The following PIAS1 variants were observed in gnomAD, a reference collection of about 807,000 sequenced individuals.
PIAS1 encodes the protein protein inhibitor of activated STAT 1, also known as E3 SUMO-protein ligase PIAS1.
Under a neutral mutation model 71.3 loss-of-function variants are expected in PIAS1, and 6 were observed. That is an observed-to-expected ratio of 0.08 (90% CI 0.05 to 0.17). The LOEUF is 0.17. Ranked by LOEUF, PIAS1 falls within the 10% of genes least tolerant of loss-of-function variation. PIAS1 has a pLI of 1.00. For synonymous variants in PIAS1, 303 were observed against 292.9 expected (o/e 1.03, Z -0.35); for missense variants, 555 against 793.6 (o/e 0.70, Z 3.61).
At chr15:68,135,110 T>C (rs1386142972) in intron 2 of PIAS1, among the ~76,000 whole-genome samples, 2 of 32,764 alleles carry the variant, frequency 6.1e-5, no homozygotes, top group Non-Finnish European at 1.1e-4. Context: ...CCCCCCCACC[T>C]CCCTCCCGGA....
At chr15:68,082,515 TGGA>T (rs2092238598) in intron 1 of PIAS1, among the ~76,000 whole-genome samples, 1 of 152,046 alleles carries the variant, frequency 6.6e-6, no homozygotes, top group Non-Finnish European at 1.5e-5. Context: ...CCTAAGCAAA[TGGA>T]AAAATGGTGT....
At chr15:68,068,709 T>A (rs2092058058) in intron 1 of PIAS1, among the ~76,000 whole-genome samples, 1 of 151,838 alleles carries the variant, frequency 6.6e-6, no homozygotes, top group Admixed American at 6.6e-5. Flanking sequence ...CACCTCAGCC[T>A]CCCAAAGTGC....
intron 1 of PIAS1, chr15:68,055,702 G>A (rs1240972750): frequency 4.3e-6 from 2 of 466,478 alleles, no homozygotes; most frequent in Non-Finnish European, 7.5e-6. Flanking sequence ...GAGGAGATGG[G>A]GATATACAAT....
intron 2 of PIAS1, among the ~76,000 whole-genome samples, chr15:68,139,413 T>C (rs1262567133): frequency 1.3e-5 from 2 of 152,220 alleles, no homozygotes; most frequent in Admixed American, 6.5e-5. Context: ...TGCAAACTTA[T>C]TTGATCATAA....
chr15:68,166,557 C>A (rs772716495), intron 8 of PIAS1, among the ~76,000 whole-genome samples: 1 of 151,956 alleles, frequency 6.6e-6, no homozygotes, highest in Admixed American at 6.6e-5. Context: ...TCAGAAAATA[C>A]GTTTAGAAAA....
At chr15:68,073,364 G>A (rs946577703) in intron 1 of PIAS1, among the ~76,000 whole-genome samples, 6 of 152,140 alleles carry the variant, frequency 3.9e-5, no homozygotes, top group African/African-American at 1.4e-4. Flanking sequence ...AATATGGTTT[G>A]TAATAATTGA....
intron 1 of PIAS1, among the ~76,000 whole-genome samples, chr15:68,070,499 AT>A (rs2092083237): frequency 6.6e-6 from 1 of 152,152 alleles, no homozygotes; most frequent in African/African-American, 2.4e-5. Context: ...TGGAGCCTGA[AT>A]GGCCAAGGCA....
At chr15:68,065,029 C>T (rs186190341) in intron 1 of PIAS1, among the ~76,000 whole-genome samples, 3 of 152,180 alleles carry the variant, frequency 2.0e-5, no homozygotes, top group East Asian at 3.9e-4. Flanking sequence ...CGGCGTGAGA[C>T]ACCATGCCCA....
chr15:68,112,372 A>G (rs1329314498), intron 2 of PIAS1, among the ~76,000 whole-genome samples: 7 of 152,004 alleles, frequency 4.6e-5, no homozygotes, highest in Admixed American at 2.0e-4. Flanking sequence ...CTTCACCACA[A>G]ATTCCTTTCC....
At chr15:68,149,443 G>C (rs146256235) in intron 6 of PIAS1, among the ~76,000 whole-genome samples, 10 of 151,134 alleles carry the variant, frequency 6.6e-5, no homozygotes, top group Non-Finnish European at 1.3e-4. Flanking sequence ...ATTTGGATGA[G>C]ATTTCTTTAA....
At position 68,189,891 on chromosome 15, in the gene PIAS1, G is replaced by A. The variant is rs1042024128; in HGVS notation, c.*2056G>A. Reference sequence around the variant, plus strand: ...AATTTCTAATACTACCATAATTTGTGTCTAAATTTCTGTTGGGGTAGAAAT... The same window carrying A: ...AATTTCTAATACTACCATAATTTGTATCTAAATTTCTGTTGGGGTAGAAAT... On this transcript the variant is annotated 3_prime_UTR_variant, in exon 14 of 14. Transcript: ENST00000249636. 3 of 152,068 alleles carry A rather than the reference G, an allele frequency of 2.0e-5. No homozygotes were observed. The highest frequency in any genetic ancestry group is 4.8e-5 in the African/African-American group (2 of 41,354). 9.4% of individuals were successfully genotyped at this position (152,068 alleles called of 1,614,324 possible). A position where few individuals can be genotyped will look rare whatever the true frequency, so the allele number is the denominator to read the frequency against.
chr15:68,151,859 C>T (rs1447896636), intron 6 of PIAS1, among the ~76,000 whole-genome samples: 4 of 145,484 alleles, frequency 2.7e-5, no homozygotes, highest in African/African-American at 1.0e-4. Flanking sequence ...GACTCTGTCT[C>T]AAATTAAATA....
chr15:68,120,434 A>G (rs2092603768), intron 2 of PIAS1, among the ~76,000 whole-genome samples: 1 of 151,714 alleles, frequency 6.6e-6, no homozygotes, highest in Non-Finnish European at 1.5e-5. Context: ...CTTCTCTAGG[A>G]TGATTTTTTA....
intron 2 of PIAS1, among the ~76,000 whole-genome samples, chr15:68,115,216 CAT>C (rs1294978472): frequency 6.6e-6 from 1 of 152,030 alleles, no homozygotes; most frequent in Non-Finnish European, 1.5e-5. Context: ...TTTATGTGGA[CAT>C]ATGTTTTCAG....
intron 11 of PIAS1, 96 bp from the exon 12 acceptor site, chr15:68,181,116 A>G (rs2093051187): frequency 2.0e-6 from 2 of 993,630 alleles, no homozygotes. Context: ...TTCCAGCACT[A>G]AACCGAGGGT....
chr15:68,182,723 T>C (rs7171467), intron 12 of PIAS1, among the ~76,000 whole-genome samples: 6,060 of 152,256 alleles, frequency 0.04, 140 homozygotes, highest in African/African-American at 0.056. Context: ...GCCAGCCAGT[T>C]ACAGCTGCTC....
chr15:68,139,008 T>G (rs969907396), intron 2 of PIAS1, among the ~76,000 whole-genome samples: 2 of 152,130 alleles, frequency 1.3e-5, no homozygotes, highest in African/African-American at 4.8e-5. Context: ...ATATTTTGAC[T>G]CAGTATAGTG....
chr15:68,155,914 T>C (rs1297191293), intron 7 of PIAS1, among the ~76,000 whole-genome samples: 3 of 152,178 alleles, frequency 2.0e-5, no homozygotes, highest in Non-Finnish European at 2.9e-5. Flanking sequence ...TGCATGAAAA[T>C]TGGGGCTACA....
rs4777024 is a variant in PIAS1, at chr15:68,164,064, A to G, written c.935-667A>G. On this transcript the variant is annotated intron_variant, in intron 7 of 13. Transcript: ENST00000249636. Reference sequence around the variant, plus strand: ...AGTGTCTCCTCCCTTAAGAACCATAAGAAGTTTGAAGTGAAAAGACTTAAA... The same window carrying G: ...AGTGTCTCCTCCCTTAAGAACCATAGGAAGTTTGAAGTGAAAAGACTTAAA... 5.3e-4 allele frequency among the ~76,000 whole-genome samples: 80 copies of G among 152,266 alleles called. No individual in the cohort carries two copies. In the South Asian group the frequency reaches 8.1e-3, roughly 15 times the overall value.
Sources: gnomAD v4.1 joint callset for allele counts (sites outside exome capture counted in the v4.1 genomes callset) on GRCh38, gnomAD v4.1.1 for gene constraint, MANE v1.5 for transcripts, NCBI Gene and HGNC (gene_info 2026-07-23, HGNC 2026-07-21) for gene names.